The following CNBD1 variants were observed in gnomAD, a reference collection of about 807,000 sequenced individuals.
CNBD1 encodes cyclic nucleotide-binding domain-containing protein 1.
CNBD1 carries 71 observed loss-of-function variants against 54.4 expected under a neutral mutation model. The ratio of observed to expected loss-of-function variants is 1.30; its 90% CI spans 1.08 to 1.59. The LOEUF (loss-of-function observed/expected upper bound fraction) is 1.59. CNBD1 is among the 40% of genes most tolerant of loss of function. The pLI, the probability that CNBD1 is intolerant of heterozygous loss-of-function variation, is 0.00. For missense variants in CNBD1, 659 were observed against 518.0 expected, an observed-to-expected ratio of 1.27 and a Z score of -2.64; for synonymous variants, 182 against 170.7, an observed-to-expected ratio of 1.07 and a Z score of -0.51.
chr8:87,204,332 T>A (rs1005416555), intron 4 of CNBD1, among the ~76,000 whole-genome samples: 5 of 152,204 alleles, frequency 3.3e-5, no homozygotes, highest in Non-Finnish European at 7.3e-5. Flanking sequence ...TCTCTCTTAA[T>A]GGAGGCTACT....
rs370212269 is a variant in CNBD1, at chr8:87,136,940, ATAT to A, written c.432-69049_432-69047del. 2.6e-4 allele frequency among the ~76,000 whole-genome samples: 18 copies of A among 69,190 alleles called. 2 individuals carry two copies. Among genetic ancestry groups the A allele is most frequent in the African/African-American group, 1.4e-3 (16 of 11,192 alleles). 45.4% of individuals were successfully genotyped at this position (69,190 alleles called of 152,430 possible). On this transcript the variant is annotated intron_variant, in intron 4 of 10. Transcript: ENST00000518476. ...TATATTTATATTCTATGTAAATTAT[ATAT>A]TATATTTATATTCTATGTAAATTAT...
chr8:87,386,621 C>T (rs1017978902), downstream of CNBD1, among the ~76,000 whole-genome samples: 3 of 152,158 alleles, frequency 2.0e-5, no homozygotes, highest in African/African-American at 7.2e-5. Flanking sequence ...AAGAACAAAT[C>T]TACATCTGAT....
At chr8:87,037,074 G>GTCTT (rs150251535) in intron 4 of CNBD1, among the ~76,000 whole-genome samples, 4,572 of 152,222 alleles carry the variant, frequency 0.03, 234 homozygotes, top group African/African-American at 0.1. Flanking sequence ...ATAAAAATAT[G>GTCTT]TATTTTACCT....
chr8:87,425,016 A>C (rs28832603), intron 2 of CNBD1, among the ~76,000 whole-genome samples: 1 of 151,750 alleles, frequency 6.6e-6, no homozygotes, highest in African/African-American at 2.4e-5. Context: ...GGCTTTCCTC[A>C]TTTCTTTTTA....
rs766679485 is a variant in CNBD1 at position 87,284,794 on chromosome 8, G to C, written c.888G>C (p.Lys296Asn). The change falls in exon 7 of 11, where the codon AAG becomes AAC. Residue 296 changes from lysine (K) to asparagine (N), a missense_variant. Lys to Asn is a moderately conservative substitution (Grantham distance 94). Coordinates refer to ENST00000518476, the MANE Select transcript of CNBD1 (RefSeq NM_173538.3). ...GTGAAATTCTTAAAATCCCAGCAAA[G>C]GGATATGCAAAGATAAAGGAGGTAA... Reference protein sequence around the residue: ...DDCEILKIPAKGYAKIKEEKI... With the variant: ...DDCEILKIPANGYAKIKEEKI... The C allele has an allele frequency of 1.3e-6, 2 of 1,588,034 alleles. No individual in the cohort carries two copies. The highest frequency in any genetic ancestry group is 1.3e-5 in the African/African-American group (1 of 74,264).
At position 87,156,347 on chromosome 8, in the gene CNBD1, C is replaced by T. The variant is rs139527683; in HGVS notation, c.432-49646C>T. Among the ~76,000 whole-genome samples the T allele has an allele frequency of 2.2e-4, 31 of 143,858 alleles. No individual in the cohort carries two copies. The East Asian group carries it at 3.4e-3, about 16-fold the overall frequency. 94.4% of individuals were successfully genotyped at this position (143,858 alleles called of 152,430 possible). On this transcript the variant is annotated intron_variant, in intron 4 of 10. Transcript: ENST00000518476. The stretch of plus-strand genomic sequence containing the variant: ...GCAACCTCTGCCTCCTGAGTTCAAA[C>T]GATTCTCGTGCCTCAGCCTTCCATG...
chr8:87,277,510 C>T (rs10101751), intron 6 of CNBD1, among the ~76,000 whole-genome samples: 42,678 of 151,594 alleles, frequency 0.28, 6,460 homozygotes, highest in African/African-American at 0.39. Context: ...TGAACCATCA[C>T]AGAATTTGAG....
intron 4 of CNBD1, among the ~76,000 whole-genome samples, chr8:87,058,153 A>C (rs968723971): frequency 6.6e-6 from 1 of 152,198 alleles, no homozygotes; most frequent in Admixed American, 6.5e-5. Flanking sequence ...TAAACAATAA[A>C]GTTCCAAAAT....
intron 4 of CNBD1, among the ~76,000 whole-genome samples, chr8:87,046,986 G>A (rs1424366705): frequency 6.6e-6 from 1 of 152,130 alleles, no homozygotes; most frequent in Admixed American, 6.5e-5. Context: ...AGTTACGCAG[G>A]GGCTGCCGCT....
At chr8:87,168,658 T>C (rs1478578868) in intron 4 of CNBD1, among the ~76,000 whole-genome samples, 6 of 152,024 alleles carry the variant, frequency 3.9e-5, no homozygotes, top group Non-Finnish European at 1.5e-5. Flanking sequence ...GATTTTTAGC[T>C]CCCACAAATA....
chr8:87,218,076 G>A lies in CNBD1; in HGVS notation c.577+11938G>A, dbSNP rs961159776. On this transcript the variant is annotated intron_variant, in intron 5 of 10. Coordinates refer to ENST00000518476, the MANE Select transcript of CNBD1 (RefSeq NM_173538.3). ...CTCTTCCACCCGAATACCTATGGGT[G>A]TAAGAACCATAATACTTTCTTCAGG... 2.6e-5 allele frequency among the ~76,000 whole-genome samples: 4 copies of A among 152,102 alleles called. No individual in the cohort carries two copies. In the South Asian group the frequency reaches 8.3e-4, roughly 31 times the overall value.
chr8:87,411,867 G>T (rs1334934749), intron 2 of CNBD1, among the ~76,000 whole-genome samples: 1 of 151,654 alleles, frequency 6.6e-6, no homozygotes, highest in Non-Finnish European at 1.5e-5. Context: ...GACCATGAAG[G>T]GAATAGAAAC....
chr8:86,887,412 T>C, intron 1 of CNBD1, 130 bp from the exon 2 acceptor site: 1 of 606,700 alleles, frequency 1.6e-6, no homozygotes, highest in Non-Finnish European at 2.9e-6. Flanking sequence ...AAACAAAGAC[T>C]GTTAATACCT....
chr8:87,087,588 C>CGAGTA (rs1811127335), intron 4 of CNBD1, among the ~76,000 whole-genome samples: 1 of 151,136 alleles, frequency 6.6e-6, no homozygotes, highest in African/African-American at 2.4e-5. Flanking sequence ...CTCAGCCTCC[C>CGAGTA]GAGTAGCTGG....
At chr8:86,870,638 C>T (rs948635688) in intron 1 of CNBD1, among the ~76,000 whole-genome samples, 1 of 151,988 alleles carries the variant, frequency 6.6e-6, no homozygotes, top group Non-Finnish European at 1.5e-5. Flanking sequence ...TTTTTCAGTT[C>T]TTTGGTAGCC....
At chr8:87,223,638 T>A (rs534496844) in intron 5 of CNBD1, among the ~76,000 whole-genome samples, 18 of 152,244 alleles carry the variant, frequency 1.2e-4, no homozygotes, top group African/African-American at 4.1e-4. Flanking sequence ...ATCCAGTCTA[T>A]CATTGTTGGA....
chr8:87,260,295 G>C (rs143700935), intron 6 of CNBD1, among the ~76,000 whole-genome samples: 1 of 152,152 alleles, frequency 6.6e-6, no homozygotes, highest in Non-Finnish European at 1.5e-5. Context: ...AGCTCTCAAA[G>C]ACATAAAACA....
intron 5 of CNBD1, among the ~76,000 whole-genome samples, chr8:87,226,328 A>T (rs1277867677): frequency 1.3e-5 from 2 of 149,754 alleles, no homozygotes; most frequent in African/African-American, 2.5e-5. Flanking sequence ...TTTAATTGTG[A>T]TGTTAGGGTG....
chr8:86,916,711 AT>A (rs894460034), intron 3 of CNBD1, among the ~76,000 whole-genome samples: 48 of 147,390 alleles, frequency 3.3e-4, no homozygotes, highest in African/African-American at 8.2e-4. Flanking sequence ...TTTATTTTTT[AT>A]TTTTTTTTTG....
Sources: allele counts gnomAD v4.1 joint callset (sites outside exome capture counted in the v4.1 genomes callset), GRCh38; gene constraint gnomAD v4.1.1; transcripts MANE v1.5; gene names NCBI Gene and HGNC (gene_info 2026-07-23, HGNC 2026-07-21).